The following NLRC3 variants were observed in gnomAD, a reference collection of about 807,000 sequenced individuals.
NLRC3 encodes the protein NLR family CARD domain containing 3, also known as NLR family CARD domain-containing protein 3.
NLRC3 carries 87 observed loss-of-function variants against 91.6 expected under a neutral mutation model. The ratio of observed to expected loss-of-function variants is 0.95; its 90% CI spans 0.80 to 1.14. The LOEUF is 1.14. Ranked by LOEUF, NLRC3 falls within the 50% of genes most tolerant of loss-of-function variation. NLRC3 has a pLI of 0.00. For missense variants in NLRC3, 1,577 were observed against 1,418.6 expected (o/e 1.11, Z -1.79); for synonymous variants, 694 against 625.3 (o/e 1.11, Z -1.64).
Position 3,556,859 on chromosome 16 carries a change from G to A in NLRC3, c.2183+52C>T, listed in dbSNP as rs2151093912. 3.8e-6 allele frequency: 5 copies of A among 1,318,770 alleles called. No homozygotes were observed. The Admixed American group carries it at 8.6e-5, about 23-fold the overall frequency. The allele number at this position is 1,318,770 out of a possible 1,614,324, so 81.7% of individuals were successfully genotyped here. On this transcript the variant is annotated intron_variant, in intron 8 of 19. Coordinates refer to ENST00000359128, the MANE Select transcript of NLRC3 (RefSeq NM_178844.4). ...CTCATAGGTGGTGCCTGAGGAGAGG[G>A]TTTTCTGGGCCCTCTCTTGGGGTCA...
chr16:3,550,935 A>G (rs1321110429), intron 10 of NLRC3, among the ~76,000 whole-genome samples: 1 of 152,088 alleles, frequency 6.6e-6, no homozygotes, highest in Non-Finnish European at 1.5e-5. Context: ...CCATCCATCT[A>G]TCCATCCACT....
intron 8 of NLRC3, 52 bp downstream of exon 8, chr16:3,556,859 G>GT: frequency 7.6e-7 from 1 of 1,318,770 alleles, no homozygotes; most frequent in Non-Finnish European, 1.1e-6. Flanking sequence ...TGAGGAGAGG[G>GT]TTTTCTGGGC....
intron 9 of NLRC3, among the ~76,000 whole-genome samples, chr16:3,552,574 T>C (rs1253854924): frequency 6.6e-6 from 1 of 152,148 alleles, no homozygotes; most frequent in African/African-American, 2.4e-5. Context: ...GGGACCTCCA[T>C]GGACAAGTCT....
chr16:3,561,743 G>A lies in NLRC3; in HGVS notation c.1974C>T (p.Gly658=). ...QFQDPVMELL[G]SVLSGKDCRI... is the part of the protein sequence containing the mutation. ...GACAGTCCTTCCCACTCAGCACGCT[G>A]CCCAGCAGCTCCATCACGGGGTCCT... is the stretch of plus-strand genomic sequence containing the variant. Residue 658 remains glycine (G), a synonymous_variant, in exon 6 of 20, where the codon GGC becomes GGT. Transcript: ENST00000359128. The A allele has an allele frequency of 6.2e-7, 1 of 1,613,598 alleles. No individual in the cohort carries two copies. Among genetic ancestry groups the A allele is most frequent in the Non-Finnish European group, 8.5e-7 (1 of 1,179,722 alleles).
intron 9 of NLRC3, 60 bp downstream of exon 9, chr16:3,554,182 G>A: frequency 1.6e-6 from 2 of 1,283,288 alleles, no homozygotes; most frequent in South Asian, 2.4e-5. Flanking sequence ...TAGGCAGAGA[G>A]GCCCTTGGAG....
chr16:3,555,577 AG>A (rs946859817), intron 8 of NLRC3, among the ~76,000 whole-genome samples: 5 of 151,876 alleles, frequency 3.3e-5, no homozygotes, highest in African/African-American at 1.2e-4. Context: ...TAAAACAGTC[AG>A]GGTTTTTTTT....
chr16:3,559,496 C>T (rs192838791), intron 6 of NLRC3, among the ~76,000 whole-genome samples: 76 of 152,098 alleles, frequency 5.0e-4, no homozygotes, highest in South Asian at 1.2e-3. Flanking sequence ...GCCTGGCCCC[C>T]GAATAATTTC....
chr16:3,548,191 G>A lies in NLRC3; in HGVS notation c.2715C>T (p.Gly905=), dbSNP rs376394054. The change falls in exon 15 of 20, where the codon GGC becomes GGT. Residue 905 remains glycine, a synonymous_variant. Transcript: ENST00000359128. The part of the protein sequence containing the change: ...LHLQWNFIQA[G]AAQALGQALQ... ...GTGCTTGTCCCAGGGCCTGGGCAGCGCCGGCCTGGATGAAGTTCCACTGCA... is the reference window on the plus strand; with the variant it reads ...GTGCTTGTCCCAGGGCCTGGGCAGCACCGGCCTGGATGAAGTTCCACTGCA... 3.1e-5 allele frequency: 49 copies of A among 1,595,112 alleles called. No individual in the cohort carries two copies. In the African/African-American group the frequency reaches 5.5e-4, roughly 18 times the overall value.
rs35126359 is a variant in NLRC3 at position 3,574,007 on chromosome 16, CTTTTTTTTTTTTT to C, written c.-169+3129_-169+3141del. Among the ~76,000 whole-genome samples, 60 of 40,414 alleles carry C rather than the reference CTTTTTTTTTTTTT, an allele frequency of 1.5e-3. No homozygotes were observed. In the East Asian group the frequency reaches 0.015, roughly 10 times the overall value. 26.5% of individuals were successfully genotyped at this position (40,414 alleles called of 152,430 possible). ...GCTTGGCCCATTGTAACCATTTTAT[CTTTTTTTTTTTTT>C]TTTTTTTTTTTTTTTTTTTTGAGAT... On this transcript the variant is annotated intron_variant, in intron 1 of 19. Coordinates refer to ENST00000359128, the MANE Select transcript of NLRC3 (RefSeq NM_178844.4).
rs986410241 is a variant in NLRC3 at position 3,571,712 on chromosome 16, C to T, written c.-168-4388G>A. ...ATCCCAGCACTTTGGGAGGCTGAGG[C>T]GGGTGGATCACAAGGTCAAGAGATC... On this transcript the variant is annotated intron_variant, in intron 1 of 19. Transcript: ENST00000359128. Among the ~76,000 whole-genome samples, 23 of 151,874 alleles carry T rather than the reference C, an allele frequency of 1.5e-4. No individual in the cohort carries two copies. The South Asian group carries it at 3.3e-3, about 22-fold the overall frequency.
At chr16:3,557,016 C>T (rs778791063) in intron 7 of NLRC3, 22 bp from the exon 8 acceptor site, 14 of 1,530,682 alleles carry the variant, frequency 9.1e-6, no homozygotes, top group Admixed American at 8.4e-5. Flanking sequence ...GAGAAAGAGA[C>T]ACCTCCTTCA....
At chr16:3,545,127 C>A (rs2038625646) in intron 15 of NLRC3, 1 of 152,216 alleles carries the variant, frequency 6.6e-6, no homozygotes, top group South Asian at 2.1e-4. Context: ...AGGCCAAGAG[C>A]TGTTTGCATT....
rs769840474 is a variant in NLRC3 at position 3,549,693 on chromosome 16, T to C, written c.2519+4A>G. The C allele has an allele frequency of 7.1e-6, 11 of 1,549,348 alleles. No individual in the cohort carries two copies. The highest frequency in any genetic ancestry group is 3.3e-4 in the Middle Eastern group (2 of 6,002). ...CCTGTTTGGAGAGGGTGGCCAGGAC[T>C]TACCTGAGGCTGAGGAGGGTCTGGT... On this transcript the variant is annotated splice_donor_region_variant and intron_variant, in intron 12 of 19. Transcript: ENST00000359128.
rs993342927 is a variant in NLRC3, at chr16:3,566,083, CTGAG to C, written c.-86-707_-86-704del. Among the ~76,000 whole-genome samples, 3 of 120,930 alleles carry C rather than the reference CTGAG, an allele frequency of 2.5e-5. No individual in the cohort carries two copies. The Admixed American group carries it at 2.9e-4, about 12-fold the overall frequency. 79.3% of individuals were successfully genotyped at this position (120,930 alleles called of 152,430 possible). On this transcript the variant is annotated intron_variant, in intron 2 of 19. Transcript: ENST00000359128. ...ACAAAAAACTTAACTCTTCTTGCTC[CTGAG>C]TTAGAGCAAAAAGCAAAAAAAAAAA...
rs1177534712 is a variant in NLRC3, at chr16:3,562,928, A to G, written c.1928+81T>C. The G allele has an allele frequency of 6.3e-6, 8 of 1,265,352 alleles. No homozygotes were observed. In the Admixed American group the frequency reaches 1.4e-4, roughly 22 times the overall value. 78.4% of individuals were successfully genotyped at this position (1,265,352 alleles called of 1,614,324 possible). ...CGGCAGCCCTAGGAGACTGACAGAG[A>G]AGCTTGGTGGTGGGGAGGGGACGGC... On this transcript the variant is annotated intron_variant, in intron 5 of 19. Transcript: ENST00000359128.
chr16:3,553,644 A>G (rs1208411039), intron 9 of NLRC3, among the ~76,000 whole-genome samples: 3 of 152,116 alleles, frequency 2.0e-5, no homozygotes. Context: ...TTTAATGTTT[A>G]TCCAATAATT....
chr16:3,544,805 T>G (rs951571565), intron 15 of NLRC3: 1 of 166,118 alleles, frequency 6.0e-6, no homozygotes, highest in African/African-American at 2.4e-5. Flanking sequence ...CCGAGGAGAC[T>G]AAAGTACTTA....
At chr16:3,575,922 G>A (rs1168761051) in intron 1 of NLRC3, among the ~76,000 whole-genome samples, 1 of 152,134 alleles carries the variant, frequency 6.6e-6, no homozygotes, top group African/African-American at 2.4e-5. Flanking sequence ...CAGGGCCTTG[G>A]AATTCAGGAC....
chr16:3,546,886 A>G (rs1247349634), intron 15 of NLRC3, among the ~76,000 whole-genome samples: 1 of 152,122 alleles, frequency 6.6e-6, no homozygotes, highest in Non-Finnish European at 1.5e-5. Flanking sequence ...ATCCCTGAGG[A>G]GCCCTGCGCA....
Sources: gnomAD v4.1 joint callset for allele counts (sites outside exome capture counted in the v4.1 genomes callset) on GRCh38, gnomAD v4.1.1 for gene constraint, MANE v1.5 for transcripts, NCBI Gene and HGNC (gene_info 2026-07-23, HGNC 2026-07-21) for gene names.